GLDC: variants seen among roughly 807,000 people sequenced by gnomAD.
GLDC encodes glycine decarboxylase.
A neutral mutation model predicts 121.3 loss-of-function variants in GLDC; 104 were observed. That is an observed-to-expected ratio of 0.86 (90% CI 0.73 to 1.01). The LOEUF (loss-of-function observed/expected upper bound fraction) is 1.01. Ranked by LOEUF, GLDC falls within the 50% of genes least tolerant of loss-of-function variation. The pLI is 0.00. For missense variants in GLDC, 1,429 were observed against 1,306.6 expected, an observed-to-expected ratio of 1.09 and a Z score of -1.44; for synonymous variants, 546 against 480.6, an observed-to-expected ratio of 1.14 and a Z score of -1.78.
chr9:6,622,291 G>A (rs1239928388), intron 2 of GLDC, among the ~76,000 whole-genome samples: 5 of 151,300 alleles, frequency 3.3e-5, no homozygotes, highest in African/African-American at 1.2e-4. Context: ...TCTTTCCACG[G>A]GCCGAAGCTG....
In GLDC at chr9:6,596,521, G is replaced by C. The variant is rs534784345; in HGVS notation, c.1156-1402C>G. On this transcript the variant is annotated intron_variant, in intron 8 of 24. Coordinates refer to ENST00000321612, the MANE Select transcript of GLDC (RefSeq NM_000170.3). ...TTTGGGAGGCTAAGGTGGGAGGATT[G>C]CTTTAGCCCAGGAGTTAAAGACCAG... 1.5e-3 allele frequency among the ~76,000 whole-genome samples: 228 copies of C among 152,260 alleles called. 1 individual carries two copies. Among genetic ancestry groups the C allele is most frequent in the Non-Finnish European group, 2.8e-3 (191 of 68,002 alleles).
chr9:6,556,850 T>C lies in GLDC; in HGVS notation c.2053-548A>G, dbSNP rs548560393. On this transcript the variant is annotated intron_variant, in intron 17 of 24. Transcript: ENST00000321612. ...TAATAAGATCCTTTCAGGCTAGGTC[T>C]CTATGGTCCAGACCAAAAGGACTAT... 7.2e-5 allele frequency among the ~76,000 whole-genome samples: 11 copies of C among 152,206 alleles called. No individual in the cohort carries two copies. In the South Asian group the frequency reaches 2.3e-3, roughly 32 times the overall value.
chr9:6,560,851 C>G (rs1817741748), intron 16 of GLDC, among the ~76,000 whole-genome samples: 1 of 152,118 alleles, frequency 6.6e-6, no homozygotes, highest in Non-Finnish European at 1.5e-5. Flanking sequence ...AAAGAAAGAT[C>G]TTGAGATGGA....
chr9:6,541,595 G>C (rs1314017505), intron 21 of GLDC: 1 of 152,064 alleles, frequency 6.6e-6, no homozygotes, highest in Non-Finnish European at 1.5e-5. Context: ...GGCTGAGGCA[G>C]GCAAATCACT....
chr9:6,554,468 T>A, intron 19 of GLDC, among the ~76,000 whole-genome samples: 1 of 152,220 alleles, frequency 6.6e-6, no homozygotes, highest in East Asian at 1.9e-4. Context: ...ATGCTATGGT[T>A]AGTAAAATCT....
At chr9:6,554,553 A>G in intron 19 of GLDC, 116 bp downstream of exon 19, 1 of 792,802 alleles carries the variant, frequency 1.3e-6, no homozygotes, top group African/African-American at 1.7e-5. Flanking sequence ...CAAGTGCACT[A>G]CACCGATGAG....
At chr9:6,623,951 G>T (rs1444799227) in intron 2 of GLDC, among the ~76,000 whole-genome samples, 1 of 152,230 alleles carries the variant, frequency 6.6e-6, no homozygotes, top group Non-Finnish European at 1.5e-5. Context: ...ATGATCCTGT[G>T]CAGGGGGGAC....
At chr9:6,554,982 G>T (rs1817592841) in intron 18 of GLDC, 1 of 629,606 alleles carries the variant, frequency 1.6e-6, no homozygotes, top group Non-Finnish European at 2.9e-6. Flanking sequence ...GAGTGCTTGT[G>T]GTTGCTATGG....
In GLDC at chr9:6,588,649, T is replaced by A; in HGVS notation, c.1634A>T (p.Asp545Val). The A allele has an allele frequency of 6.2e-7, 1 of 1,612,716 alleles. No homozygotes were observed. The highest frequency in any genetic ancestry group is 1.7e-5 in the Admixed American group (1 of 60,002). ...AATCATGCTGTGAACAAGGGAAATG[T>A]CTTTATTTTCCAGTTTCTTCATGTA... Reference protein sequence around the residue: ...VRYMKKLENKDISLVHSMIPL... With the variant: ...VRYMKKLENKVISLVHSMIPL... The change falls in exon 13 of 25, where the codon GAC becomes GTC. Residue 545 changes from aspartate (D) to valine (V), a missense_variant. Transcript: ENST00000321612.
At chr9:6,586,789 G>C (rs1355704771) in intron 15 of GLDC, among the ~76,000 whole-genome samples, 1 of 152,144 alleles carries the variant, frequency 6.6e-6, no homozygotes, top group Non-Finnish European at 1.5e-5. Flanking sequence ...TAGGAGGTTC[G>C]GCCATTAGAG....
chr9:6,547,500 C>T (rs1563832192), intron 21 of GLDC, among the ~76,000 whole-genome samples: 2 of 152,180 alleles, frequency 1.3e-5, no homozygotes, highest in East Asian at 1.9e-4. Flanking sequence ...GTGATGGCCA[C>T]TCTCATATGT....
At chr9:6,591,015 G>C (rs1818365106) in intron 11 of GLDC, among the ~76,000 whole-genome samples, 1 of 152,142 alleles carries the variant, frequency 6.6e-6, no homozygotes, top group South Asian at 2.1e-4. Flanking sequence ...TATTTACTTA[G>C]TGATTAATAC....
Position 6,645,623 on chromosome 9 carries a change from G to C in GLDC, c.-124C>G. ...TGGAGCCCCTTTCGCTGGACAGTCGGCCGGACAGATGGATGGACGCTCGCG... is the reference window on the plus strand; with the variant it reads ...TGGAGCCCCTTTCGCTGGACAGTCGCCCGGACAGATGGATGGACGCTCGCG... On this transcript the variant is annotated 5_prime_UTR_variant, in exon 1 of 25. Transcript: ENST00000321612. 1.6e-6 allele frequency: 1 copy of C among 637,234 alleles called. No individual in the cohort carries two copies. Among genetic ancestry groups the C allele is most frequent in the Non-Finnish European group, 2.2e-6 (1 of 455,746 alleles). The allele number at this position is 637,234 out of a possible 1,614,324, so 39.5% of individuals were successfully genotyped here.
chr9:6,621,708 G>C (rs1409619866), intron 2 of GLDC, among the ~76,000 whole-genome samples: 2 of 152,138 alleles, frequency 1.3e-5, no homozygotes, highest in South Asian at 2.1e-4. Flanking sequence ...AGTAGAGATG[G>C]GGTTTCACCA....
chr9:6,592,103 A>T lies in GLDC; in HGVS notation c.1482+40T>A, dbSNP rs534069598. ...ATAAGCTACTTTTGCTACCACCTCC[A>T]ATAGTTATGATGAGGAACGCATGTT... On this transcript the variant is annotated intron_variant, in intron 11 of 24. Transcript: ENST00000321612. 26 of 1,234,274 alleles carry T rather than the reference A, an allele frequency of 2.1e-5. No individual in the cohort carries two copies. In the South Asian group the frequency reaches 2.7e-4, roughly 13 times the overall value. 76.5% of individuals were successfully genotyped at this position (1,234,274 alleles called of 1,614,324 possible).
At chr9:6,564,483 C>A (rs1032758979) in intron 16 of GLDC, among the ~76,000 whole-genome samples, 1 of 152,186 alleles carries the variant, frequency 6.6e-6, no homozygotes, top group Non-Finnish European at 1.5e-5. Context: ...GGGCCACTAC[C>A]ACTCCACCCT....
intron 15 of GLDC, among the ~76,000 whole-genome samples, chr9:6,583,562 G>C (rs1420797297): frequency 6.6e-6 from 1 of 152,164 alleles, no homozygotes; most frequent in Non-Finnish European, 1.5e-5. Flanking sequence ...AGTAGTCCCA[G>C]CTAAGCGGGA....
At chr9:6,629,069 A>G (rs1819306995) in intron 2 of GLDC, among the ~76,000 whole-genome samples, 2 of 151,822 alleles carry the variant, frequency 1.3e-5, no homozygotes, top group South Asian at 4.2e-4. Context: ...AGAATTTAGA[A>G]TGAATGCTTC....
intron 8 of GLDC, among the ~76,000 whole-genome samples, chr9:6,595,511 C>T (rs11999044): frequency 0.057 from 8,720 of 152,222 alleles, 565 homozygotes; most frequent in African/African-American, 0.16. Flanking sequence ...TACACTCAAC[C>T]AGGCAATTCT....
Sources: allele counts gnomAD v4.1 joint callset (sites outside exome capture counted in the v4.1 genomes callset), GRCh38; gene constraint gnomAD v4.1.1; transcripts MANE v1.5; gene names NCBI Gene and HGNC (gene_info 2026-07-23, HGNC 2026-07-21).